LTBP1: variants seen among roughly 807,000 people sequenced by gnomAD.
LTBP1 encodes the protein latent transforming growth factor beta binding protein 1, also known as latent-transforming growth factor beta-binding protein 1.
LTBP1 carries 129 observed loss-of-function variants against 207.6 expected under a neutral mutation model. The ratio of observed to expected loss-of-function variants is 0.62; its 90% CI spans 0.54 to 0.72. The LOEUF is 0.72. Ranked by LOEUF, LTBP1 falls within the 30% of genes least tolerant of loss-of-function variation. The probability of loss-of-function intolerance (pLI) is 0.00; values close to 1 mark genes in which losing one functional copy is unlikely to be tolerated. For missense variants in LTBP1, 2,281 were observed against 2,217.2 expected (o/e 1.03, Z -0.58); for synonymous variants, 963 against 833.7 (o/e 1.16, Z -2.67).
At chr2:33,367,017 C>G (rs2094997140) in intron 31 of LTBP1, among the ~76,000 whole-genome samples, 1 of 152,124 alleles carries the variant, frequency 6.6e-6, no homozygotes, top group Non-Finnish European at 1.5e-5. Context: ...CAGTTGAACT[C>G]TGCTCCTTAA....
At chr2:32,995,146 T>C (rs1342408817) in intron 2 of LTBP1, among the ~76,000 whole-genome samples, 1 of 151,728 alleles carries the variant, frequency 6.6e-6, no homozygotes, top group African/African-American at 2.4e-5. Flanking sequence ...ATCACACCAT[T>C]GCACTCCAGC....
chr2:33,144,415 C>T (rs192513954), intron 5 of LTBP1, among the ~76,000 whole-genome samples: 44 of 152,280 alleles, frequency 2.9e-4, no homozygotes, highest in Admixed American at 2.9e-3. Flanking sequence ...CGTGCTTCTT[C>T]TTGAGTTCAC....
At chr2:33,339,479 T>G (rs1294174793) in intron 24 of LTBP1, among the ~76,000 whole-genome samples, 1 of 152,170 alleles carries the variant, frequency 6.6e-6, no homozygotes, top group Non-Finnish European at 1.5e-5. Flanking sequence ...CTGTGTTAAG[T>G]GATTTGGTGA....
chr2:33,234,649 A>G (rs1289721435), intron 9 of LTBP1, among the ~76,000 whole-genome samples: 2 of 152,252 alleles, frequency 1.3e-5, no homozygotes, highest in Non-Finnish European at 1.5e-5. Context: ...CATACTGCCC[A>G]AAGTAATTTA....
At chr2:33,056,155 A>G (rs908178659) in intron 3 of LTBP1, among the ~76,000 whole-genome samples, 4 of 152,054 alleles carry the variant, frequency 2.6e-5, no homozygotes, top group African/African-American at 7.2e-5. Context: ...CCCATCAGAG[A>G]GAGAATATTG....
At chr2:33,344,913 C>A (rs1270694408) in intron 25 of LTBP1, among the ~76,000 whole-genome samples, 1 of 152,162 alleles carries the variant, frequency 6.6e-6, no homozygotes, top group Non-Finnish European at 1.5e-5. Context: ...AGAGCCCCTG[C>A]TTAATGTTCA....
At position 33,203,892 on chromosome 2, in the gene LTBP1, G is replaced by A. The variant is rs548877306; in HGVS notation, c.1702-13660G>A. Among the ~76,000 whole-genome samples, 9 of 152,262 alleles carry A rather than the reference G, an allele frequency of 5.9e-5. No homozygotes were observed. The South Asian group carries it at 1.5e-3, about 25-fold the overall frequency. On this transcript the variant is annotated intron_variant, in intron 7 of 33. Transcript: ENST00000404816. ...GACAGTTCTGAGCATGTTGGAAATA[G>A]TTTTAAGAGACGATGGCTTGAATTG...
chr2:33,301,001 A>T (rs2093979272), intron 21 of LTBP1, among the ~76,000 whole-genome samples: 1 of 152,246 alleles, frequency 6.6e-6, no homozygotes, highest in Non-Finnish European at 1.5e-5. Flanking sequence ...CTTTTAAAAA[A>T]ATCGCTAAAG....
At chr2:33,002,634 T>C (rs1686197291) in intron 2 of LTBP1, among the ~76,000 whole-genome samples, 1 of 152,074 alleles carries the variant, frequency 6.6e-6, no homozygotes, top group African/African-American at 2.4e-5. Context: ...TGAAAAAACA[T>C]TTCTAGCACT....
chr2:33,280,316 A>C (rs922884573), intron 19 of LTBP1, among the ~76,000 whole-genome samples, 158 bp downstream of exon 19: 4 of 152,218 alleles, frequency 2.6e-5, no homozygotes, highest in African/African-American at 9.6e-5. Context: ...CCATTGAGAA[A>C]ATAAGAAAAT....
chr2:33,304,220 G>T (rs1360438732), intron 22 of LTBP1, among the ~76,000 whole-genome samples: 2 of 152,140 alleles, frequency 1.3e-5, no homozygotes, highest in Admixed American at 6.5e-5. Flanking sequence ...AGTGTACTGG[G>T]TTATAAATAG....
chr2:32,970,576 T>C (rs1471911442), intron 2 of LTBP1, among the ~76,000 whole-genome samples: 1 of 152,164 alleles, frequency 6.6e-6, no homozygotes, highest in African/African-American at 2.4e-5. Flanking sequence ...GGTCGGTGTG[T>C]GGCTTTATGT....
chr2:33,062,880 A>G (rs2077336390), intron 3 of LTBP1, among the ~76,000 whole-genome samples: 1 of 152,254 alleles, frequency 6.6e-6, no homozygotes, highest in South Asian at 2.1e-4. Context: ...GGGACACAGC[A>G]GGACAGATTT....
At chr2:33,278,354 C>T (rs2093489570) in intron 18 of LTBP1, among the ~76,000 whole-genome samples, 1 of 152,104 alleles carries the variant, frequency 6.6e-6, no homozygotes, top group Non-Finnish European at 1.5e-5. Flanking sequence ...CATGAAAAGT[C>T]TTGAAAAGAA....
At chr2:33,385,950 C>A (rs554828525) in intron 31 of LTBP1, among the ~76,000 whole-genome samples, 1 of 152,016 alleles carries the variant, frequency 6.6e-6, no homozygotes, top group Non-Finnish European at 1.5e-5. Flanking sequence ...AAGGGCAACA[C>A]GCTCTAGCAT....
chr2:33,277,452 G>T (rs78220907), intron 18 of LTBP1, among the ~76,000 whole-genome samples: 2,212 of 152,238 alleles, frequency 0.015, 22 homozygotes, highest in East Asian at 0.025. Flanking sequence ...CACTGACTTT[G>T]CCCCTTTGAA....
Position 33,363,511 on chromosome 2 carries a change from G to C in LTBP1, c.4392G>C (p.Gln1464His). The change falls in exon 29 of 34, where the codon CAG becomes CAC. Residue 1464 changes from glutamine to histidine, a missense_variant. Around this residue, in one of 3 missense-constraint regions of LTBP1, gnomAD observed 1,671 missense variants for 1,634.8 expected, o/e 1.02. Coordinates refer to ENST00000404816, the MANE Select transcript of LTBP1 (RefSeq NM_206943.4). ...CGTACTATGATCCTGTGAAACTGCA[G>C]TGCTTTGGTAAGCTTTAGGGGGATA... ...QGTYYDPVKL[Q>H]CFDMDECQDP... 1 of 1,613,776 alleles carries C rather than the reference G, an allele frequency of 6.2e-7. No individual in the cohort carries two copies. Among genetic ancestry groups the C allele is most frequent in the Non-Finnish European group, 8.5e-7 (1 of 1,179,736 alleles).
intron 3 of LTBP1, among the ~76,000 whole-genome samples, chr2:33,043,745 T>G (rs1330259359): frequency 2.0e-5 from 3 of 152,046 alleles, no homozygotes; most frequent in Admixed American, 6.6e-5. Flanking sequence ...AGGGTGAGAA[T>G]GCAACACAGG....
intron 26 of LTBP1, among the ~76,000 whole-genome samples, chr2:33,358,979 A>G (rs1376815664): frequency 6.6e-6 from 1 of 152,230 alleles, no homozygotes; most frequent in East Asian, 1.9e-4. Flanking sequence ...AAGCTAGACC[A>G]GATGAGGGAA....
Sources: allele counts gnomAD v4.1 joint callset (sites outside exome capture counted in the v4.1 genomes callset), GRCh38; gene constraint gnomAD v4.1.1; regional missense constraint gnomAD v4.1.1; transcripts MANE v1.5; gene names NCBI Gene and HGNC (gene_info 2026-07-23, HGNC 2026-07-21).